The following TTLL9 variants were observed in gnomAD, a reference collection of about 807,000 sequenced individuals.
The protein encoded by TTLL9 is probable tubulin polyglutamylase TTLL9.
TTLL9 carries 47 observed loss-of-function variants against 65.6 expected under a neutral mutation model. The ratio of observed to expected loss-of-function variants is 0.72; its 90% CI spans 0.57 to 0.91. TTLL9 has a LOEUF of 0.91. TTLL9 is among the 40% of genes least tolerant of loss of function. TTLL9 has a pLI of 0.00. For synonymous variants in TTLL9, 179 were observed against 204.8 expected (o/e 0.87, Z 1.07); for missense variants, 537 against 568.8 (o/e 0.94, Z 0.57).
intron 6 of TTLL9, among the ~76,000 whole-genome samples, chr20:31,918,385 T>A (rs986478392): frequency 3.9e-5 from 6 of 152,170 alleles, no homozygotes; most frequent in African/African-American, 9.6e-5. Context: ...TCTTTCTTTT[T>A]TTTTTAACAG....
At chr20:31,931,175 G>A (rs2064003206) in intron 10 of TTLL9, among the ~76,000 whole-genome samples, 1 of 151,242 alleles carries the variant, frequency 6.6e-6, no homozygotes, top group Non-Finnish European at 1.5e-5. Flanking sequence ...CATCTCCTGG[G>A]CTGAAGCGAT....
rs376166827 is a variant in TTLL9 at position 31,926,512 on chromosome 20, C to T, written c.748+421C>T. Among the ~76,000 whole-genome samples the T allele has an allele frequency of 4.7e-4, 72 of 151,798 alleles. 1 individual carries two copies. The highest frequency in any genetic ancestry group is 1.7e-3 in the African/African-American group (72 of 41,382). On this transcript the variant is annotated intron_variant, in intron 10 of 14. Coordinates refer to ENST00000535842, the MANE Select transcript of TTLL9 (RefSeq NM_001008409.5). ...AGATCTGTTAAAAGACAAATGCACA[C>T]ATGCCCTGTGACCCAGCAATTCCTC...
intron 3 of TTLL9, among the ~76,000 whole-genome samples, chr20:31,897,948 G>A (rs888334861): frequency 5.3e-5 from 8 of 152,154 alleles, no homozygotes; most frequent in Non-Finnish European, 1.2e-4. Context: ...TTTCTGGGTT[G>A]GTGGCTTTTC....
chr20:31,929,636 CTGGTTTTCTAATCCCCCA>C (rs1249993508), intron 10 of TTLL9, among the ~76,000 whole-genome samples: 36 of 151,484 alleles, frequency 2.4e-4, no homozygotes, highest in Admixed American at 2.3e-3. Flanking sequence ...AGTAGGTTTC[CTGGTTTTCTAATCCCCCA>C]TGCTGCAGGC....
chr20:31,937,950 A>G (rs1014304229), intron 13 of TTLL9, among the ~76,000 whole-genome samples: 1 of 143,532 alleles, frequency 7.0e-6, no homozygotes, highest in African/African-American at 2.6e-5. Flanking sequence ...GCAATAGCAG[A>G]AAAAAAAAAA....
intron 4 of TTLL9, among the ~76,000 whole-genome samples, chr20:31,901,843 T>C (rs1040344845): frequency 6.6e-6 from 1 of 152,282 alleles, no homozygotes. Context: ...ACGTGGCGGC[T>C]CACTTCACAA....
chr20:31,873,821 G>GAAAGAAAGAAAGAAAGAAA (rs2062991828), intron 2 of TTLL9, among the ~76,000 whole-genome samples: 5 of 95,982 alleles, frequency 5.2e-5, no homozygotes, highest in African/African-American at 1.6e-4. Context: ...AGGAAGGAAG[G>GAAAGAAAGAAAGAAAGAAA]AAGAAAGAAA....
chr20:31,906,112 A>G (rs1173528623), intron 4 of TTLL9, among the ~76,000 whole-genome samples: 2 of 151,860 alleles, frequency 1.3e-5, no homozygotes, highest in African/African-American at 4.8e-5. Flanking sequence ...CTGCTTGGCC[A>G]TTGTTCCAGT....
At chr20:31,885,900 G>C (rs147558844) in intron 2 of TTLL9, among the ~76,000 whole-genome samples, 2 of 152,364 alleles carry the variant, frequency 1.3e-5, no homozygotes, top group African/African-American at 4.8e-5. Context: ...TGGCCTGGAG[G>C]AAAACAAATT....
intron 10 of TTLL9, among the ~76,000 whole-genome samples, chr20:31,927,500 A>AG (rs2063927795): frequency 6.6e-6 from 1 of 151,592 alleles, no homozygotes; most frequent in African/African-American, 2.4e-5. Context: ...AAAAAAAAAA[A>AG]AAAAGAAACT....
chr20:31,918,479 C>T (rs1316479014), intron 6 of TTLL9, among the ~76,000 whole-genome samples: 1 of 152,072 alleles, frequency 6.6e-6, no homozygotes, highest in Non-Finnish European at 1.5e-5. Flanking sequence ...TAAAGTCATC[C>T]TTCCACCTCT....
At chr20:31,930,873 G>C (rs564368889) in intron 10 of TTLL9, among the ~76,000 whole-genome samples, 80 of 152,200 alleles carry the variant, frequency 5.3e-4, no homozygotes, top group Non-Finnish European at 9.6e-4. Flanking sequence ...AGAGACGGGA[G>C]GCTCTGAGGT....
At position 31,870,738 on chromosome 20, in the gene TTLL9, G is replaced by A; in HGVS notation, c.-217G>A. On this transcript the variant is annotated 5_prime_UTR_variant, in exon 1 of 15. Coordinates refer to ENST00000535842, the MANE Select transcript of TTLL9 (RefSeq NM_001008409.5). This position sits in a 1 kb window ranked among gnomAD's most constrained non-coding sequence, Gnocchi z 6.6. ...GGGGGCCTTACCCCACCCTGGCACC[G>A]GCAGGCGCGGGCGGATGGGGGGATG... The A allele has an allele frequency of 1.9e-6, 1 of 529,332 alleles. No individual in the cohort carries two copies. Among genetic ancestry groups the A allele is most frequent in the Non-Finnish European group, 3.0e-6 (1 of 335,188 alleles). The allele number at this position is 529,332 out of a possible 1,614,324, so 32.8% of individuals were successfully genotyped here.
intron 6 of TTLL9, among the ~76,000 whole-genome samples, chr20:31,910,206 G>A (rs922535776): frequency 6.6e-6 from 1 of 152,178 alleles, no homozygotes; most frequent in African/African-American, 2.4e-5. Flanking sequence ...CTTTACCTGC[G>A]TTACCCCAGT....
chr20:31,873,265 C>T (rs1362395717), intron 2 of TTLL9, among the ~76,000 whole-genome samples: 1 of 152,156 alleles, frequency 6.6e-6, no homozygotes, highest in African/African-American at 2.4e-5. Flanking sequence ...CAATTCAACA[C>T]GTTTATTGGG....
intron 2 of TTLL9, among the ~76,000 whole-genome samples, chr20:31,883,384 G>C (rs968862822): frequency 6.6e-6 from 1 of 152,006 alleles, no homozygotes; most frequent in African/African-American, 2.4e-5. Context: ...TTTTAGTAGA[G>C]ACAGGATTTC....
At chr20:31,924,405 C>T (rs558144439) in intron 8 of TTLL9, among the ~76,000 whole-genome samples, 10 of 152,228 alleles carry the variant, frequency 6.6e-5, no homozygotes, top group African/African-American at 2.4e-5. Context: ...AGACTGTTCT[C>T]GCAGTTCCTT....
chr20:31,909,990 G>A, intron 6 of TTLL9, 68 bp downstream of exon 6: 1 of 1,480,220 alleles, frequency 6.8e-7, no homozygotes, highest in Non-Finnish European at 9.3e-7. Flanking sequence ...GGGATCAGGT[G>A]CAGACACTGC....
chr20:31,911,219 C>T (rs1325183542), intron 6 of TTLL9, among the ~76,000 whole-genome samples: 3 of 152,084 alleles, frequency 2.0e-5, no homozygotes, highest in African/African-American at 7.2e-5. Context: ...AAGGTGAGGA[C>T]AACAGCGCAC....
Sources: allele counts gnomAD v4.1 joint callset (sites outside exome capture counted in the v4.1 genomes callset), GRCh38; gene constraint gnomAD v4.1.1; non-coding constraint Gnocchi (gnomAD v3.1); transcripts MANE v1.5; gene names NCBI Gene and HGNC (gene_info 2026-07-23, HGNC 2026-07-21).